The following PDE4D variants were observed in gnomAD, a reference collection of about 807,000 sequenced individuals.
PDE4D encodes the protein phosphodiesterase 4D.
Under a neutral mutation model 87.4 loss-of-function variants are expected in PDE4D, and 24 were observed. The ratio of observed to expected loss-of-function variants is 0.27; its 90% CI spans 0.20 to 0.39. PDE4D has a LOEUF of 0.39. Ranked by LOEUF, PDE4D falls within the 10% of genes least tolerant of loss-of-function variation. The pLI is 1.00. For synonymous variants in PDE4D, 384 were observed against 383.2 expected (o/e 1.00, Z -0.02); for missense variants, 714 against 1,041.0 (o/e 0.69, Z 4.32).
chr5:59,616,604 AG>A (rs1262860403), intron 1 of PDE4D, among the ~76,000 whole-genome samples: 2 of 152,096 alleles, frequency 1.3e-5, no homozygotes, highest in Non-Finnish European at 2.9e-5. Flanking sequence ...CATGCTCCCT[AG>A]CGATGCTCTC....
intron 1 of PDE4D, among the ~76,000 whole-genome samples, chr5:59,861,063 G>A (rs1030026555): frequency 1.3e-5 from 2 of 149,526 alleles, no homozygotes; most frequent in African/African-American, 2.5e-5. Context: ...TAGAGATGGA[G>A]TTTCGCCATG....
chr5:59,370,715 C>T (rs1562048655), intron 1 of PDE4D, among the ~76,000 whole-genome samples: 1 of 152,178 alleles, frequency 6.6e-6, no homozygotes, highest in Non-Finnish European at 1.5e-5. Flanking sequence ...TGTTGATTCA[C>T]TGCTGTTTGG....
intron 1 of PDE4D, among the ~76,000 whole-genome samples, chr5:59,705,586 A>G (rs1025464202): frequency 1.3e-5 from 2 of 152,182 alleles, no homozygotes; most frequent in African/African-American, 2.4e-5. Flanking sequence ...TTTTTGTTTC[A>G]TAACAATCCT....
intron 1 of PDE4D, among the ~76,000 whole-genome samples, chr5:60,257,952 C>CA (rs1749271180): frequency 6.6e-6 from 1 of 151,888 alleles, no homozygotes; most frequent in South Asian, 2.1e-4. Flanking sequence ...CAACATAAAC[C>CA]AAATGTGCCC....
chr5:59,810,238 A>T (rs1042731580), intron 1 of PDE4D, among the ~76,000 whole-genome samples: 1 of 152,218 alleles, frequency 6.6e-6, no homozygotes, highest in African/African-American at 2.4e-5. Context: ...GTCTTTCCGT[A>T]AAAATCAGTC....
intron 1 of PDE4D, among the ~76,000 whole-genome samples, chr5:59,729,550 T>C (rs988149793): frequency 1.3e-5 from 2 of 152,094 alleles, no homozygotes; most frequent in South Asian, 2.1e-4. Flanking sequence ...AAAATCAATA[T>C]TTAAAATTGC....
intron 1 of PDE4D, among the ~76,000 whole-genome samples, chr5:59,660,719 A>G (rs1745101680): frequency 6.6e-6 from 1 of 152,102 alleles, no homozygotes; most frequent in East Asian, 1.9e-4. Flanking sequence ...TGACCTGTGG[A>G]TTTTATTTAA....
intron 1 of PDE4D, among the ~76,000 whole-genome samples, chr5:59,287,387 A>G (rs2028836): frequency 0.23 from 34,444 of 151,774 alleles, 4,291 homozygotes; most frequent in Admixed American, 0.34. Context: ...GTGCCAGCTC[A>G]CCCACCGTAG....
chr5:59,740,663 A>T (rs1393866526), intron 1 of PDE4D, among the ~76,000 whole-genome samples: 2 of 152,216 alleles, frequency 1.3e-5, no homozygotes, highest in African/African-American at 4.8e-5. Context: ...GTAGCTAAGA[A>T]CAAGGAGATA....
intron 1 of PDE4D, among the ~76,000 whole-genome samples, chr5:60,272,493 A>C (rs1052832191): frequency 1.3e-5 from 2 of 152,226 alleles, no homozygotes; most frequent in Non-Finnish European, 2.9e-5. Context: ...ACAGGTCTGC[A>C]GATCTTTTAG....
At chr5:59,728,230 T>C (rs1173502551) in intron 1 of PDE4D, among the ~76,000 whole-genome samples, 1 of 152,108 alleles carries the variant, frequency 6.6e-6, no homozygotes, top group Non-Finnish European at 1.5e-5. Context: ...ATCCCGACTC[T>C]AAAGTTCATG....
At chr5:59,279,968 T>C (rs1765530136) in intron 1 of PDE4D, among the ~76,000 whole-genome samples, 1 of 152,088 alleles carries the variant, frequency 6.6e-6, no homozygotes, top group African/African-American at 2.4e-5. Flanking sequence ...GCACGTACAT[T>C]ACTAGTATAA....
chr5:59,425,047 T>G (rs1190444602), intron 1 of PDE4D, among the ~76,000 whole-genome samples: 4 of 152,136 alleles, frequency 2.6e-5, no homozygotes, highest in Admixed American at 1.3e-4. Flanking sequence ...ATCTTAGTAG[T>G]CTCCCTACTG....
chr5:60,229,494 A>G (rs939191670), intron 1 of PDE4D, among the ~76,000 whole-genome samples: 1 of 152,164 alleles, frequency 6.6e-6, no homozygotes, highest in African/African-American at 2.4e-5. Flanking sequence ...TAAAAGAAAA[A>G]TATTTAAATC....
intron 6 of PDE4D, among the ~76,000 whole-genome samples, chr5:59,032,634 A>G (rs1757772812): frequency 6.6e-6 from 1 of 152,230 alleles, no homozygotes; most frequent in Non-Finnish European, 1.5e-5. Context: ...AAAGAATAGA[A>G]AAGTCATGTT....
intron 1 of PDE4D, among the ~76,000 whole-genome samples, chr5:60,420,104 A>C (rs139609837): frequency 1.4e-3 from 219 of 152,300 alleles, no homozygotes; most frequent in African/African-American, 5.1e-3. Flanking sequence ...AGAGAACAGA[A>C]ATAGTGGAGG....
chr5:59,494,857 A>T (rs1234387114), intron 1 of PDE4D, among the ~76,000 whole-genome samples: 1 of 152,216 alleles, frequency 6.6e-6, no homozygotes, highest in Non-Finnish European at 1.5e-5. Context: ...CCCAAACCTT[A>T]TTCCTCACTT....
At chr5:60,500,801 T>C (rs1750034127) in intron 1 of PDE4D, among the ~76,000 whole-genome samples, 1 of 152,160 alleles carries the variant, frequency 6.6e-6, no homozygotes, top group Non-Finnish European at 1.5e-5. Flanking sequence ...AAAGATAATA[T>C]GTGCCAAAGA....
chr5:59,090,807 C>CTTTTTTTTT (rs61610340), intron 5 of PDE4D, among the ~76,000 whole-genome samples: 3 of 106,024 alleles, frequency 2.8e-5, no homozygotes, highest in Non-Finnish European at 5.7e-5. Flanking sequence ...TTTTCTTTTT[C>CTTTTTTTTT]TTTTTTTTTT....
Sources: allele counts gnomAD v4.1 joint callset (sites outside exome capture counted in the v4.1 genomes callset), GRCh38; gene constraint gnomAD v4.1.1; transcripts MANE v1.5; gene names NCBI Gene and HGNC (gene_info 2026-07-23, HGNC 2026-07-21).